SPAM1: variants seen among roughly 807,000 people sequenced by gnomAD.
The protein encoded by SPAM1 is sperm adhesion molecule 1.
Under a neutral mutation model 29.6 loss-of-function variants are expected in SPAM1, and 22 were observed. The observed-to-expected ratio is 0.74, with a 90% CI of 0.53 to 1.06. The LOEUF is 1.06. Among genes scored for constraint, SPAM1 ranks in the 50% least tolerant of loss-of-function variants. SPAM1 has a pLI of 0.00. For synonymous variants in SPAM1, 194 were observed against 204.6 expected (o/e 0.95, Z 0.44); for missense variants, 534 against 604.0 (o/e 0.88, Z 1.21).
At chr7:123,966,487 C>T (rs980189214) in intron 5 of SPAM1, among the ~76,000 whole-genome samples, 3 of 151,904 alleles carry the variant, frequency 2.0e-5, no homozygotes, top group African/African-American at 7.3e-5. Flanking sequence ...TCATTGCAGC[C>T]TTATTCACAA....
At chr7:123,966,071 A>G (rs1792420810) in intron 5 of SPAM1, among the ~76,000 whole-genome samples, 2 of 152,178 alleles carry the variant, frequency 1.3e-5, no homozygotes, top group South Asian at 4.1e-4. Flanking sequence ...ACAAATACAC[A>G]AGAAAAAAAC....
At chr7:123,969,782 T>G (rs1792473953) in intron 5 of SPAM1, among the ~76,000 whole-genome samples, 3 of 151,804 alleles carry the variant, frequency 2.0e-5, no homozygotes, top group Non-Finnish European at 4.4e-5. Context: ...TGGGCTCTTT[T>G]TTTTTTTTGA....
At chr7:123,938,023 T>C (rs1475618740) in intron 1 of SPAM1, among the ~76,000 whole-genome samples, 3 of 152,296 alleles carry the variant, frequency 2.0e-5, no homozygotes, top group African/African-American at 7.2e-5. Context: ...ATGGTGGCAG[T>C]TGGTGCTGGG....
At chr7:123,947,334 A>G (rs965843186) in intron 1 of SPAM1, among the ~76,000 whole-genome samples, 1 of 152,110 alleles carries the variant, frequency 6.6e-6, no homozygotes, top group Non-Finnish European at 1.5e-5. Flanking sequence ...AGATCACTTC[A>G]GCCCAGGAGT....
intron 1 of SPAM1, among the ~76,000 whole-genome samples, chr7:123,939,381 C>T (rs998734707): frequency 1.3e-5 from 2 of 152,152 alleles, no homozygotes; most frequent in South Asian, 4.1e-4. Flanking sequence ...CCACTGTGTC[C>T]GGCCTCAAGT....
chr7:123,947,518 C>G lies in SPAM1; in HGVS notation c.-318-2354C>G, dbSNP rs540832565. On this transcript the variant is annotated intron_variant, in intron 1 of 4. Coordinates refer to ENST00000682466, the MANE Select transcript of SPAM1 (RefSeq NM_153189.3). The stretch of plus-strand genomic sequence containing the variant: ...TGAGCTAAGATGGTGCCACTGCACT[C>G]CAGCCTAGGCAACAGACTGAGATTG... 3.3e-5 allele frequency among the ~76,000 whole-genome samples: 5 copies of G among 151,782 alleles called. No individual in the cohort carries two copies. In the South Asian group the frequency reaches 6.2e-4, roughly 19 times the overall value.
chr7:123,966,000 A>C (rs573874968), intron 5 of SPAM1, among the ~76,000 whole-genome samples: 1 of 152,186 alleles, frequency 6.6e-6, no homozygotes, highest in Non-Finnish European at 1.5e-5. Context: ...GAATGGGAGA[A>C]AAGTTTTGTA....
In SPAM1 at chr7:123,960,032, A is replaced by G; in HGVS notation, c.*63A>G. On this transcript the variant is annotated 3_prime_UTR_variant, in exon 5 of 5. Transcript: ENST00000682466. Reference sequence around the variant, plus strand: ...TAAAGTGTGCTTTTTCGACTAATTAAATCTTTGAAAAGAACAGCTCTTGTT... The same window carrying G: ...TAAAGTGTGCTTTTTCGACTAATTAGATCTTTGAAAAGAACAGCTCTTGTT... The G allele has an allele frequency of 6.6e-7, 1 of 1,512,526 alleles. No individual in the cohort carries two copies. The highest frequency in any genetic ancestry group is 8.8e-7 in the Non-Finnish European group (1 of 1,139,306). The allele number at this position is 1,512,526 out of a possible 1,614,324, so 93.7% of individuals were successfully genotyped here.
chr7:123,970,608 A>AATAATAATAATAATAATT (rs376690940), intron 6 of SPAM1, among the ~76,000 whole-genome samples: 396 of 147,256 alleles, frequency 2.7e-3, no homozygotes, highest in African/African-American at 5.2e-3. Context: ...TAATAATAAT[A>AATAATAATAATAATAATT]ATTATTATTA....
At chr7:123,960,534 ACT>A (rs1291619362), downstream of SPAM1, among the ~76,000 whole-genome samples, 3 of 151,992 alleles carry the variant, frequency 2.0e-5, no homozygotes, top group African/African-American at 4.8e-5. Flanking sequence ...GCCACTGAAG[ACT>A]CTAATTTGCA....
At position 123,955,058 on chromosome 7, in the gene SPAM1, G is replaced by A. The variant is rs1233215636; in HGVS notation, c.1016G>A (p.Trp339Ter). Reference sequence around the variant, plus strand: ...CTGGGTGCTTCTGGAATTGTAATATGGGGAACCCTCAGTATAATGCGAAGT... The same window carrying A: ...CTGGGTGCTTCTGGAATTGTAATATAGGGAACCCTCAGTATAATGCGAAGT... ...VALGASGIVI[W>*]GTLSIMRSMK... The change falls in exon 4 of 5, where the codon TGG (tryptophan) becomes TAG (stop). Residue 339 changes from tryptophan (W) to a stop codon, truncating the protein, a stop_gained. Transcript: ENST00000682466. LOFTEE classifies it low-confidence loss of function (END_TRUNC). 1.2e-6 allele frequency: 2 copies of A among 1,610,710 alleles called. No homozygotes were observed. Among genetic ancestry groups the A allele is most frequent in the South Asian group, 2.2e-5 (2 of 90,980 alleles).
chr7:123,931,790 C>G (rs1427638509), intron 1 of SPAM1, among the ~76,000 whole-genome samples: 1 of 152,136 alleles, frequency 6.6e-6, no homozygotes, highest in Non-Finnish European at 1.5e-5. Flanking sequence ...TACCCCTCAG[C>G]TGACAGAAAT....
At chr7:123,926,232 TCCCTTGCAACATGTGGATTATCATA>T (rs1237597037) in intron 1 of SPAM1, among the ~76,000 whole-genome samples, 2 of 152,162 alleles carry the variant, frequency 1.3e-5, no homozygotes, top group Non-Finnish European at 2.9e-5. Flanking sequence ...CTACTTCTTT[TCCCTTGCAACATGTGGATTATCATA>T]CCCTCCTTCT....
chr7:123,958,558 T>A (rs1399442264), intron 4 of SPAM1, among the ~76,000 whole-genome samples: 2 of 152,068 alleles, frequency 1.3e-5, no homozygotes, highest in Non-Finnish European at 2.9e-5. Context: ...TGAGGCATGG[T>A]GGATCATGCC....
intron 2 of SPAM1, among the ~76,000 whole-genome samples, chr7:123,951,246 G>T (rs753034356): frequency 6.6e-6 from 1 of 152,072 alleles, no homozygotes; most frequent in Non-Finnish European, 1.5e-5. Context: ...TTGCTGTGCA[G>T]ATGCTTTTTA....
At chr7:123,966,165 A>T (rs1419690498) in intron 5 of SPAM1, among the ~76,000 whole-genome samples, 1 of 152,074 alleles carries the variant, frequency 6.6e-6, no homozygotes, top group African/African-American at 2.4e-5. Flanking sequence ...AAACAAATGA[A>T]AAAAAGCTCA....
chr7:123,942,611 G>C (rs1363381319), intron 1 of SPAM1, among the ~76,000 whole-genome samples: 1 of 152,078 alleles, frequency 6.6e-6, no homozygotes, highest in Non-Finnish European at 1.5e-5. Flanking sequence ...TGACTTTAAT[G>C]CCTTAAGCCC....
At chr7:123,943,017 T>C (rs998170095) in intron 1 of SPAM1, among the ~76,000 whole-genome samples, 1 of 152,228 alleles carries the variant, frequency 6.6e-6, no homozygotes, top group Admixed American at 6.5e-5. Flanking sequence ...GAGAGAAATA[T>C]GCTCCAAATT....
chr7:123,930,064 G>C (rs1381677903), intron 1 of SPAM1, among the ~76,000 whole-genome samples: 1 of 151,912 alleles, frequency 6.6e-6, no homozygotes, highest in Non-Finnish European at 1.5e-5. Context: ...AAGGGGAAAG[G>C]GACATGTACA....
Sources: allele counts gnomAD v4.1 joint callset (sites outside exome capture counted in the v4.1 genomes callset), GRCh38; gene constraint gnomAD v4.1.1; transcripts MANE v1.5; gene names NCBI Gene and HGNC (gene_info 2026-07-23, HGNC 2026-07-21).